Variants in SLC9A4 observed in about 807,000 individuals in gnomAD.
The protein encoded by SLC9A4 is solute carrier family 9 member A4.
Under a neutral mutation model 67.4 loss-of-function variants are expected in SLC9A4, and 63 were observed. That is an observed-to-expected ratio of 0.93 (90% CI 0.76 to 1.15). The LOEUF (loss-of-function observed/expected upper bound fraction) is 1.15, where lower values mean the gene tolerates loss of function less well. Among genes scored for constraint, SLC9A4 ranks in the 50% most tolerant of loss-of-function variants. SLC9A4 has a pLI of 0.00. For synonymous variants in SLC9A4, 393 were observed against 367.2 expected, an observed-to-expected ratio of 1.07 and a Z score of -0.80; for missense variants, 1,089 against 987.7, an observed-to-expected ratio of 1.10 and a Z score of -1.38.
At chr2:102,514,058 A>C in intron 7 of SLC9A4, 32 bp from the exon 8 acceptor site, 1 of 1,605,642 alleles carries the variant, frequency 6.2e-7, no homozygotes, top group South Asian at 1.1e-5. Context: ...ACAGACGTTC[A>C]AGATTTCCAA....
chr2:102,532,370 C>T lies in SLC9A4; in HGVS notation c.2079C>T (p.Phe693=). The change falls in exon 12 of 12, where the codon TTC becomes TTT. Residue 693 remains phenylalanine (F), a synonymous_variant. Coordinates refer to ENST00000295269, the MANE Select transcript of SLC9A4 (RefSeq NM_001011552.4). ...ATCCAGGATCCCCATCCATCACGTT[C>T]AGCGCATGCTCTCGGATAGGGTCAC... ...SSDPGSPSIT[F]SACSRIGSLQ... is the part of the protein sequence containing the mutation. The T allele has an allele frequency of 6.2e-7, 1 of 1,614,112 alleles. No individual in the cohort carries two copies. The highest frequency in any genetic ancestry group is 8.5e-7 in the Non-Finnish European group (1 of 1,180,012).
At chr2:102,514,738 A>G (rs767298376) in intron 8 of SLC9A4, among the ~76,000 whole-genome samples, 1 of 152,156 alleles carries the variant, frequency 6.6e-6, no homozygotes, top group African/African-American at 2.4e-5. Context: ...CTATGTAAAG[A>G]GAAAGTTGTG....
chr2:102,508,073 T>C lies in SLC9A4; in HGVS notation c.1199-6T>C, dbSNP rs769265824. The C allele has an allele frequency of 4.3e-6, 7 of 1,613,918 alleles. No individual in the cohort carries two copies. The highest frequency in any genetic ancestry group is 5.9e-6 in the Non-Finnish European group (7 of 1,179,890). The stretch of plus-strand genomic sequence containing the variant: ...TCTGCTCTAATACACGTTTCCCCCT[T>C]TCTAGGCGTATTTGCTCTCTTCTAT... On this transcript the variant is annotated splice_region_variant and splice_polypyrimidine_tract_variant and intron_variant, in intron 4 of 11. Coordinates refer to ENST00000295269, the MANE Select transcript of SLC9A4 (RefSeq NM_001011552.4).
At chr2:102,514,309 G>T in intron 8 of SLC9A4, 58 bp downstream of exon 8, 1 of 1,281,896 alleles carries the variant, frequency 7.8e-7, no homozygotes, top group Non-Finnish European at 1.1e-6. Context: ...AAGGGGCGCT[G>T]ACTCATTGCC....
intron 2 of SLC9A4, among the ~76,000 whole-genome samples, chr2:102,502,832 T>A (rs938129739): frequency 6.6e-6 from 1 of 152,224 alleles, no homozygotes; most frequent in African/African-American, 2.4e-5. Flanking sequence ...CGTGGGCTGC[T>A]CGGGTGGAGC....
rs1460464295 is a variant in SLC9A4 at position 102,519,868 on chromosome 2, G to A, written c.1731G>A (p.Arg577=). 1 of 1,613,682 alleles carries A rather than the reference G, an allele frequency of 6.2e-7. No homozygotes were observed. Among genetic ancestry groups the A allele is most frequent in the South Asian group, 1.1e-5 (1 of 91,070 alleles). ...CCAATAATGATTCCAGGGCCCAGAG[G>A]ATACAAGGAATCAAAAGACTTTCCC... ...TAFSIPHQAQ[R]IQGIKRLSPE... is the part of the protein sequence containing the mutation. Residue 577 remains arginine, a synonymous_variant, in exon 9 of 12, where the codon AGG becomes AGA. Transcript: ENST00000295269.
At chr2:102,496,825 A>G (rs1684819509) in intron 2 of SLC9A4, among the ~76,000 whole-genome samples, 1 of 152,266 alleles carries the variant, frequency 6.6e-6, no homozygotes. Flanking sequence ...GCATTCCCAG[A>G]ACTGGGATTA....
chr2:102,526,463 A>T, intron 11 of SLC9A4, 117 bp downstream of exon 11: 1 of 813,950 alleles, frequency 1.2e-6, no homozygotes, highest in Non-Finnish European at 1.9e-6. Flanking sequence ...ACATGATAAG[A>T]AAAAGAAGAA....
intron 7 of SLC9A4, among the ~76,000 whole-genome samples, chr2:102,513,375 C>T (rs1049218507): frequency 6.6e-6 from 1 of 152,200 alleles, no homozygotes; most frequent in Non-Finnish European, 1.5e-5. Flanking sequence ...GGGCAAACTA[C>T]TCTTTGAATG....
chr2:102,505,227 TTCTCTG>T, intron 3 of SLC9A4, 21 bp from the exon 4 acceptor site: 1 of 1,604,356 alleles, frequency 6.2e-7, no homozygotes, highest in Non-Finnish European at 8.5e-7. Context: ...CTCATGGATT[TTCTCTG>T]AGACTCTGCT....
At chr2:102,522,280 A>G (rs1469513763) in intron 9 of SLC9A4, among the ~76,000 whole-genome samples, 1 of 152,166 alleles carries the variant, frequency 6.6e-6, no homozygotes, top group Non-Finnish European at 1.5e-5. Flanking sequence ...TTTAGCAAAT[A>G]GTTAATACAC....
intron 11 of SLC9A4, among the ~76,000 whole-genome samples, chr2:102,529,455 C>G (rs1475079925): frequency 6.6e-6 from 1 of 152,160 alleles, no homozygotes; most frequent in East Asian, 1.9e-4. Context: ...AAACTTATGC[C>G]TATTTATGCA....
At position 102,479,175 on chromosome 2, in the gene SLC9A4, T is replaced by G. The variant is rs1162335877; in HGVS notation, c.593T>G (p.Leu198Arg). 5.0e-6 allele frequency: 8 copies of G among 1,614,074 alleles called. No individual in the cohort carries two copies. Among genetic ancestry groups the G allele is most frequent in the Non-Finnish European group, 6.8e-6 (8 of 1,180,032 alleles). ...LGDVNLLQNL[L>R]FGSLISAVDP... is the part of the protein sequence containing the mutation. Reference sequence around the variant, plus strand: ...GACGTCAACCTGCTGCAGAACCTGCTGTTCGGCAGCCTGATCTCCGCCGTG... The same window carrying G: ...GACGTCAACCTGCTGCAGAACCTGCGGTTCGGCAGCCTGATCTCCGCCGTG... The change falls in exon 2 of 12, where the codon CTG becomes CGG. Residue 198 changes from leucine (L) to arginine (R), a missense_variant. Physicochemically the swap from Leu to Arg is moderately radical, Grantham distance 102. Coordinates refer to ENST00000295269, the MANE Select transcript of SLC9A4 (RefSeq NM_001011552.4).
rs191989954 is a variant in SLC9A4 at position 102,491,264 on chromosome 2, T to A, written c.720+11962T>A. Among the ~76,000 whole-genome samples, 75 of 145,544 alleles carry A rather than the reference T, an allele frequency of 5.2e-4. 1 individual carries two copies. Among genetic ancestry groups the A allele is most frequent in the Admixed American group, 4.7e-3 (69 of 14,618 alleles). On this transcript the variant is annotated intron_variant, in intron 2 of 11. Coordinates refer to ENST00000295269, the MANE Select transcript of SLC9A4 (RefSeq NM_001011552.4). ...GATGCATTTGGTCGCTTGCTCACACTCTGCTGCTTTTTCAACTGAATTTTT... is the reference window on the plus strand; with the variant it reads ...GATGCATTTGGTCGCTTGCTCACACACTGCTGCTTTTTCAACTGAATTTTT...
At chr2:102,521,152 T>A (rs1235738155) in intron 9 of SLC9A4, among the ~76,000 whole-genome samples, 2 of 152,162 alleles carry the variant, frequency 1.3e-5, no homozygotes, top group African/African-American at 4.8e-5. Context: ...ACCCATAGGG[T>A]ACCTGGTACT....
At chr2:102,520,048 C>A in intron 9 of SLC9A4, 93 bp downstream of exon 9, 1 of 998,758 alleles carries the variant, frequency 1.0e-6, no homozygotes, top group Non-Finnish European at 1.5e-6. Flanking sequence ...TCCTGATGTT[C>A]ACGTCACCCT....
chr2:102,514,086 T>C lies in SLC9A4; in HGVS notation c.1560-4T>C. On this transcript the variant is annotated splice_region_variant and splice_polypyrimidine_tract_variant and intron_variant, in intron 7 of 11. Transcript: ENST00000295269. The stretch of plus-strand genomic sequence containing the variant: ...ATTTCCAAAATGTTGGTTTTCATTT[T>C]TAGGTTTAAGAAGTTTGATCATAGA... 1 of 1,609,410 alleles carries C rather than the reference T, an allele frequency of 6.2e-7. No individual in the cohort carries two copies. Among genetic ancestry groups the C allele is most frequent in the Non-Finnish European group, 8.5e-7 (1 of 1,178,592 alleles).
rs542857498 is a variant in SLC9A4 at position 102,507,927 on chromosome 2, A to G, written c.1199-152A>G. 110 of 692,962 alleles carry G rather than the reference A, an allele frequency of 1.6e-4. 1 individual carries two copies. The highest frequency in any genetic ancestry group is 1.6e-3 in the Admixed American group (57 of 36,396). The allele number at this position is 692,962 out of a possible 1,614,324, so 42.9% of individuals were successfully genotyped here. ...ACAACTATCAAAGTGAGAAGCCATA[A>G]AAGATACTCTACCTGGGATAGACAA... On this transcript the variant is annotated intron_variant, in intron 4 of 11. Transcript: ENST00000295269.
At chr2:102,531,708 G>A (rs1674782157) in intron 11 of SLC9A4, among the ~76,000 whole-genome samples, 1 of 152,170 alleles carries the variant, frequency 6.6e-6, no homozygotes, top group Admixed American at 6.6e-5. Context: ...TTAGCACAGT[G>A]ACAGGCATAT....
Sources: allele counts gnomAD v4.1 joint callset (sites outside exome capture counted in the v4.1 genomes callset), GRCh38; gene constraint gnomAD v4.1.1; transcripts MANE v1.5; gene names NCBI Gene and HGNC (gene_info 2026-07-23, HGNC 2026-07-21).